Variants in UQCC2 observed in about 807,000 individuals in gnomAD.
The protein encoded by UQCC2 is ubiquinol-cytochrome c reductase complex assembly factor 2, also known as breast cancer-associated protein SGA-81M.
Under a neutral mutation model 19.9 loss-of-function variants are expected in UQCC2, and 21 were observed. The observed-to-expected ratio is 1.05, with a 90% CI of 0.75 to 1.52. The LOEUF (loss-of-function observed/expected upper bound fraction) is 1.52, where lower values mean the gene tolerates loss of function less well. UQCC2 is among the 40% of genes most tolerant of loss of function. The pLI, the probability that UQCC2 is intolerant of heterozygous loss-of-function variation, is 0.00. For synonymous variants in UQCC2, 57 were observed against 60.9 expected (o/e 0.94, Z 0.30); for missense variants, 135 against 157.5 (o/e 0.86, Z 0.76).
chr6:33,699,543 TA>T (rs565478908), intron 3 of UQCC2, among the ~76,000 whole-genome samples: 1 of 152,020 alleles, frequency 6.6e-6, no homozygotes, highest in African/African-American at 2.4e-5. Context: ...ATTTACACAT[TA>T]AAAAAAATTG....
At position 33,697,411 on chromosome 6, in the gene UQCC2, G is replaced by A. The variant is rs1765576538; in HGVS notation, c.*242C>T. On this transcript the variant is annotated 3_prime_UTR_variant, in exon 4 of 4. Coordinates refer to ENST00000607484, the MANE Select transcript of UQCC2 (RefSeq NM_032340.4). ...CCCCATTACCCTCATCAGGCCCAGAGGGAAACCTGCATTTCCTCTCCCCAG... is the reference window on the plus strand; with the variant it reads ...CCCCATTACCCTCATCAGGCCCAGAAGGAAACCTGCATTTCCTCTCCCCAG... The A allele has an allele frequency of 2.3e-6, 1 of 444,378 alleles. No homozygotes were observed. Among genetic ancestry groups the A allele is most frequent in the Non-Finnish European group, 4.0e-6 (1 of 253,004 alleles). 27.5% of individuals were successfully genotyped at this position (444,378 alleles called of 1,614,324 possible). A position where few individuals can be genotyped will look rare whatever the true frequency, so the allele number is the denominator to read the frequency against.
intron 1 of UQCC2, among the ~76,000 whole-genome samples, chr6:33,706,005 C>G (rs774934569): frequency 6.6e-6 from 1 of 152,182 alleles, no homozygotes; most frequent in African/African-American, 2.4e-5. Context: ...TTTTGCATTT[C>G]CCCTGTTCAG....
At chr6:33,703,264 A>G (rs1449434805) in intron 1 of UQCC2, among the ~76,000 whole-genome samples, 1 of 152,122 alleles carries the variant, frequency 6.6e-6, no homozygotes, top group Non-Finnish European at 1.5e-5. Context: ...CCTGGGTTCA[A>G]GTGATTCTCC....
At chr6:33,706,824 C>T (rs1765704192) in intron 1 of UQCC2, among the ~76,000 whole-genome samples, 1 of 152,214 alleles carries the variant, frequency 6.6e-6, no homozygotes, top group Non-Finnish European at 1.5e-5. Context: ...GTGCAGTGAT[C>T]CACAGCGCAC....
chr6:33,711,218 ATG>A (rs1372753932), intron 1 of UQCC2, among the ~76,000 whole-genome samples: 1 of 152,050 alleles, frequency 6.6e-6, no homozygotes, highest in East Asian at 1.9e-4. Context: ...GAGTCCCACT[ATG>A]TTGCCCAGGA....
intron 1 of UQCC2, 142 bp from the exon 2 acceptor site, chr6:33,701,562 A>G (rs1582180103): frequency 1.4e-6 from 1 of 712,640 alleles, no homozygotes; most frequent in Non-Finnish European, 2.2e-6. Context: ...ACTCTGCGGG[A>G]AGCAAACCTG....
chr6:33,709,069 G>A (rs917245171), intron 1 of UQCC2, among the ~76,000 whole-genome samples: 7 of 152,152 alleles, frequency 4.6e-5, no homozygotes, highest in African/African-American at 1.7e-4. Flanking sequence ...TGACAACTCC[G>A]AAAGAGAAAA....
intron 1 of UQCC2, among the ~76,000 whole-genome samples, chr6:33,709,871 T>C (rs1765745498): frequency 6.6e-6 from 1 of 152,198 alleles, no homozygotes; most frequent in Non-Finnish European, 1.5e-5. Context: ...ATTTCATTTC[T>C]GGTCTCTTGC....
At chr6:33,699,241 A>C (rs1765609904) in intron 3 of UQCC2, among the ~76,000 whole-genome samples, 1 of 152,242 alleles carries the variant, frequency 6.6e-6, no homozygotes, top group Non-Finnish European at 1.5e-5. Flanking sequence ...TTGCAACAAA[A>C]ATATGAGGCT....
At chr6:33,709,052 T>C (rs1167898475) in intron 1 of UQCC2, among the ~76,000 whole-genome samples, 6 of 152,228 alleles carry the variant, frequency 3.9e-5, no homozygotes, top group Admixed American at 1.3e-4. Flanking sequence ...ACGATTGCCC[T>C]AGGTGATGAC....
At chr6:33,698,446 AACC>A (rs938265434) in intron 3 of UQCC2, 2 of 152,244 alleles carry the variant, frequency 1.3e-5, no homozygotes, top group African/African-American at 4.8e-5. Flanking sequence ...AGAAAAAAAA[AACC>A]ACACGTACCT....
chr6:33,701,384 T>C lies in UQCC2; in HGVS notation c.175A>G (p.Ser59Gly). Residue 59 changes from serine to glycine, a missense_variant, in exon 2 of 4, where the codon AGC (serine) becomes GGC (glycine). Ser to Gly is a moderately conservative substitution (Grantham distance 56, BLOSUM62 0). Coordinates refer to ENST00000607484, the MANE Select transcript of UQCC2 (RefSeq NM_032340.4). ...EPEACDQMYE[S>G]LARLHSNYYK... Reference sequence around the variant, plus strand: ...TAGTTTGAATGGAGTCGCGCTAAGCTCTCGTACATCTGATCACAGGCCTCA... The same window carrying C: ...TAGTTTGAATGGAGTCGCGCTAAGCCCTCGTACATCTGATCACAGGCCTCA... 1 of 1,613,744 alleles carries C rather than the reference T, an allele frequency of 6.2e-7. No homozygotes were observed. The highest frequency in any genetic ancestry group is 1.1e-5 in the South Asian group (1 of 90,980).
chr6:33,702,235 T>C (rs916131637), intron 1 of UQCC2, among the ~76,000 whole-genome samples: 1 of 151,998 alleles, frequency 6.6e-6, no homozygotes, highest in Non-Finnish European at 1.5e-5. Context: ...TTCGAACTCC[T>C]GACCTCAAGC....
At chr6:33,697,879 G>C in intron 3 of UQCC2, 129 bp from the exon 4 acceptor site, 1 of 699,008 alleles carries the variant, frequency 1.4e-6, no homozygotes, top group Non-Finnish European at 2.4e-6. Context: ...GAAAAAGGTG[G>C]AGACCCAGCT....
At chr6:33,699,353 C>T (rs1346239360) in intron 3 of UQCC2, among the ~76,000 whole-genome samples, 1 of 152,200 alleles carries the variant, frequency 6.6e-6, no homozygotes, top group Non-Finnish European at 1.5e-5. Context: ...GCCTTCGTTG[C>T]TGCCTGTTTT....
intron 2 of UQCC2, 64 bp downstream of exon 2, chr6:33,701,282 T>G (rs1194764659): frequency 6.0e-6 from 9 of 1,500,064 alleles, no homozygotes; most frequent in African/African-American, 4.2e-5. Context: ...AATCAGATTT[T>G]CACTCATTCT....
intron 3 of UQCC2, among the ~76,000 whole-genome samples, chr6:33,698,820 G>A (rs1765603103): frequency 1.3e-5 from 2 of 152,184 alleles, no homozygotes; most frequent in Admixed American, 1.3e-4. Context: ...CATCCCCCCA[G>A]TACGGAACCA....
intron 1 of UQCC2, among the ~76,000 whole-genome samples, chr6:33,708,772 T>C (rs1765730755): frequency 6.6e-6 from 1 of 152,202 alleles, no homozygotes; most frequent in South Asian, 2.1e-4. Flanking sequence ...GGGGTGTCAG[T>C]AGGAGTGACT....
intron 1 of UQCC2, among the ~76,000 whole-genome samples, chr6:33,705,181 G>A (rs927948228): frequency 1.3e-5 from 2 of 151,996 alleles, no homozygotes; most frequent in East Asian, 1.9e-4. Context: ...ATAGGCGCCC[G>A]CTACCACGCC....
Sources: allele counts gnomAD v4.1 joint callset (sites outside exome capture counted in the v4.1 genomes callset), GRCh38; gene constraint gnomAD v4.1.1; transcripts MANE v1.5; gene names NCBI Gene and HGNC (gene_info 2026-07-23, HGNC 2026-07-21).